Variants in UGT1A9 observed in about 807,000 individuals in gnomAD.
UGT1A9 encodes the protein UDP-glucuronosyltransferase 1A9.
UGT1A9 carries 35 observed loss-of-function variants against 45.0 expected under a neutral mutation model. The observed-to-expected ratio is 0.78, with a 90% CI of 0.59 to 1.03. UGT1A9 has a LOEUF of 1.03. Ranked by LOEUF, UGT1A9 falls within the 50% of genes least tolerant of loss-of-function variation. The pLI is 0.00. For synonymous variants in UGT1A9, 278 were observed against 250.6 expected (o/e 1.11, Z -1.03); for missense variants, 687 against 666.6 (o/e 1.03, Z -0.34).
At chr2:233,729,509 G>C in intron 1 of UGT1A9, 1 of 1,614,214 alleles carries the variant, frequency 6.2e-7, no homozygotes, top group South Asian at 1.1e-5. Context: ...CATAGGTCTT[G>C]TGTGGAGCTA....
At chr2:233,765,830 A>G (rs929596) in intron 1 of UGT1A9, among the ~76,000 whole-genome samples, 48,017 of 151,854 alleles carry the variant, frequency 0.32, 7,975 homozygotes, top group African/African-American at 0.41. Flanking sequence ...GAAACAGGAA[A>G]ACTTTCCTTG....
chr2:233,733,997 C>T (rs1054859436), intron 1 of UGT1A9, among the ~76,000 whole-genome samples: 1 of 151,958 alleles, frequency 6.6e-6, no homozygotes, highest in African/African-American at 2.4e-5. Context: ...AGGAGATATA[C>T]CTAATGTTAA....
At chr2:233,768,790 G>C (rs1021832155) in intron 4 of UGT1A9, among the ~76,000 whole-genome samples, 1 of 152,024 alleles carries the variant, frequency 6.6e-6, no homozygotes, top group Admixed American at 6.6e-5. Context: ...CACCATGTTT[G>C]TCAGGCTGGT....
chr2:233,734,476 T>C (rs1027928479), intron 1 of UGT1A9, among the ~76,000 whole-genome samples: 15 of 152,296 alleles, frequency 9.8e-5, no homozygotes, highest in African/African-American at 3.6e-4. Context: ...CCTGGATTCA[T>C]TGATTTTTTT....
chr2:233,680,556 A>C (rs1014960787), intron 1 of UGT1A9, among the ~76,000 whole-genome samples: 8 of 152,154 alleles, frequency 5.3e-5, no homozygotes, highest in African/African-American at 1.9e-4. Flanking sequence ...AATGCTCCTC[A>C]GTGTGTTGCC....
chr2:233,690,784 C>T (rs902652405), intron 1 of UGT1A9: 19 of 1,087,518 alleles, frequency 1.7e-5, no homozygotes, highest in Non-Finnish European at 2.1e-5. Flanking sequence ...CATACACACA[C>T]ACACACACAC....
chr2:233,772,141 A>C, intron 4 of UGT1A9, 121 bp from the exon 5 acceptor site: 1 of 1,549,926 alleles, frequency 6.5e-7, no homozygotes, highest in Non-Finnish European at 8.7e-7. Context: ...CAATAATAGA[A>C]ACAGGTTTCC....
intron 4 of UGT1A9, among the ~76,000 whole-genome samples, 182 bp downstream of exon 4, chr2:233,768,621 C>T (rs186985441): frequency 1.7e-5 from 2 of 116,022 alleles, no homozygotes; most frequent in East Asian, 2.7e-4. Flanking sequence ...GAGTCTTGCT[C>T]TGTCACCTAG....
rs573640732 is a variant in UGT1A9, at chr2:233,742,006, C to A, written c.856-25028C>A. On this transcript the variant is annotated intron_variant, in intron 1 of 4. Coordinates refer to ENST00000354728, the MANE Select transcript of UGT1A9 (RefSeq NM_021027.3). The stretch of plus-strand genomic sequence containing the variant: ...CAAAAAATATTACAGATACACTTGG[C>A]TTTCATCAACCTAATTTGATATGTC... 5 of 152,014 alleles carry A rather than the reference C, an allele frequency of 3.3e-5. No individual in the cohort carries two copies. The South Asian group carries it at 8.3e-4, about 25-fold the overall frequency. 9.4% of individuals were successfully genotyped at this position (152,014 alleles called of 1,614,324 possible).
chr2:233,742,316 T>C lies in UGT1A9; in HGVS notation c.856-24718T>C, dbSNP rs962081179. On this transcript the variant is annotated intron_variant, in intron 1 of 4. Coordinates refer to ENST00000354728, the MANE Select transcript of UGT1A9 (RefSeq NM_021027.3). ...TTATAGATTAACTAAAAGTATTCCT[T>C]ACGGGAAACAAAGGGATGGGCTCTG... Among the ~76,000 whole-genome samples, 12 of 151,968 alleles carry C rather than the reference T, an allele frequency of 7.9e-5. 1 individual carries two copies. Among genetic ancestry groups the C allele is most frequent in the Admixed American group, 3.3e-4 (5 of 15,280 alleles).
At chr2:233,718,776 G>C in intron 1 of UGT1A9, 2 of 1,612,920 alleles carry the variant, frequency 1.2e-6, no homozygotes, top group Non-Finnish European at 1.7e-6. Flanking sequence ...AATGTAGCAG[G>C]CACAGCGTGG....
rs999962124 is a variant in UGT1A9 at position 233,747,799 on chromosome 2, A to G, written c.856-19235A>G. The G allele has an allele frequency of 2.5e-6, 4 of 1,613,352 alleles. No homozygotes were observed. The African/African-American group carries it at 4.0e-5, about 16-fold the overall frequency. ...CCAAATCCTTCCTCCTATATTCCTA[A>G]GTTACTAACGACCAATTCAGACCAC... On this transcript the variant is annotated intron_variant, in intron 1 of 4. Coordinates refer to ENST00000354728, the MANE Select transcript of UGT1A9 (RefSeq NM_021027.3).
chr2:233,756,979 A>C (rs1394621821), intron 1 of UGT1A9, among the ~76,000 whole-genome samples: 3 of 152,152 alleles, frequency 2.0e-5, no homozygotes. Flanking sequence ...CGCAATGAAC[A>C]GTCATAGTAA....
intron 1 of UGT1A9, among the ~76,000 whole-genome samples, chr2:233,688,830 A>G (rs2074915301): frequency 6.6e-6 from 1 of 152,166 alleles, no homozygotes; most frequent in African/African-American, 2.4e-5. Flanking sequence ...ACTTTGAAAG[A>G]AAAGGATGTA....
chr2:233,693,667 A>G, intron 1 of UGT1A9: 1 of 1,614,180 alleles, frequency 6.2e-7, no homozygotes, highest in South Asian at 1.1e-5. Context: ...AGCCCTATCT[A>G]TTTTATTGTC....
intron 1 of UGT1A9, among the ~76,000 whole-genome samples, chr2:233,687,089 T>C (rs1384683958): frequency 1.3e-5 from 2 of 152,226 alleles, no homozygotes; most frequent in African/African-American, 4.8e-5. Flanking sequence ...GTACTTCAGC[T>C]GTGACACTTG....
chr2:233,768,725 G>T (rs933444797), intron 4 of UGT1A9, among the ~76,000 whole-genome samples: 1 of 151,378 alleles, frequency 6.6e-6, no homozygotes, highest in African/African-American at 2.4e-5. Context: ...TGGGATTACA[G>T]GTGTCCACCA....
rs769310438 is a variant in UGT1A9 at position 233,760,575 on chromosome 2, G to A, written c.856-6459G>A. The A allele has an allele frequency of 1.1e-5, 18 of 1,614,108 alleles. No individual in the cohort carries two copies. Among genetic ancestry groups the A allele is most frequent in the Non-Finnish European group, 1.5e-5 (18 of 1,180,054 alleles). On this transcript the variant is annotated intron_variant, in intron 1 of 4. Transcript: ENST00000354728. ...TGAAAGAGTCTTTTGTTAGTCTCGG[G>A]CATAATGTTTTTGAGAATGATTCTT... is the stretch of plus-strand genomic sequence containing the variant.
intron 1 of UGT1A9, among the ~76,000 whole-genome samples, chr2:233,757,643 G>T (rs955610345): frequency 6.7e-6 from 1 of 150,102 alleles, no homozygotes; most frequent in Admixed American, 6.6e-5. Context: ...AGAACAAAAT[G>T]CTGTTTTTCT....
Sources: allele counts gnomAD v4.1 joint callset (sites outside exome capture counted in the v4.1 genomes callset), GRCh38; gene constraint gnomAD v4.1.1; transcripts MANE v1.5; gene names NCBI Gene and HGNC (gene_info 2026-07-23, HGNC 2026-07-21).